ACACB: variants seen among roughly 807,000 people sequenced by gnomAD.
ACACB encodes the protein acetyl-CoA carboxylase beta.
A neutral mutation model predicts 278.8 loss-of-function variants in ACACB; 209 were observed. That is an observed-to-expected ratio of 0.75 (90% CI 0.67 to 0.84). ACACB has a LOEUF of 0.84. ACACB is among the 40% of genes least tolerant of loss of function. The pLI, the probability that ACACB is intolerant of heterozygous loss-of-function variation, is 0.00. For synonymous variants in ACACB, 1,174 were observed against 1,285.6 expected (o/e 0.91, Z 1.86); for missense variants, 2,850 against 3,269.0 (o/e 0.87, Z 3.13).
intron 1 of ACACB, among the ~76,000 whole-genome samples, chr12:109,117,879 T>A (rs2042445095): frequency 6.6e-6 from 1 of 152,210 alleles, no homozygotes. Flanking sequence ...CCCAAGTAGC[T>A]GGGACTACAG....
rs181773254 is a variant in ACACB at position 109,224,322 on chromosome 12, C to T, written c.3882+418C>T. The stretch of plus-strand genomic sequence containing the variant: ...GAAAGACTTTTCTGCTTGGAACTGC[C>T]AGAGCTAGAGGAGCCCAGGTGACAA... On this transcript the variant is annotated intron_variant, in intron 27 of 52. Coordinates refer to ENST00000338432, the MANE Select transcript of ACACB (RefSeq NM_001093.4). Among the ~76,000 whole-genome samples, 13 of 151,738 alleles carry T rather than the reference C, an allele frequency of 8.6e-5. No individual in the cohort carries two copies. The East Asian group carries it at 2.5e-3, about 30-fold the overall frequency.
At chr12:109,261,861 A>T (rs2047386433) in intron 48 of ACACB, among the ~76,000 whole-genome samples, 1 of 146,740 alleles carries the variant, frequency 6.8e-6, no homozygotes, top group African/African-American at 2.6e-5. Context: ...ACAGAGTGAG[A>T]CCCTGTCTAA....
the ACACB span, chr12:109,111,416 A>G: frequency 6.6e-6 from 1 of 152,322 alleles, no homozygotes; most frequent in East Asian, 1.9e-4. Context: ...CTCGGAAGTG[A>G]GGCCAGGGCT....
chr12:109,194,389 T>G (rs2045019959), intron 16 of ACACB, among the ~76,000 whole-genome samples: 1 of 152,176 alleles, frequency 6.6e-6, no homozygotes, highest in South Asian at 2.1e-4. Context: ...AGAAATGGGA[T>G]TTCACCATGT....
chr12:109,224,530 C>T (rs1407880853), intron 27 of ACACB, among the ~76,000 whole-genome samples: 2 of 134,634 alleles, frequency 1.5e-5, no homozygotes, highest in African/African-American at 3.3e-5. Flanking sequence ...TAAATCTGCT[C>T]TTTTATTATT....
intron 1 of ACACB, among the ~76,000 whole-genome samples, chr12:109,119,708 C>T (rs1045115288): frequency 1.9e-4 from 29 of 152,096 alleles, no homozygotes; most frequent in African/African-American, 6.7e-4. Flanking sequence ...GCCAGCCTGA[C>T]CAACATGGCA....
chr12:109,184,414 C>T lies in ACACB; in HGVS notation c.1819-1165C>T, dbSNP rs576847846. Reference sequence around the variant, plus strand: ...CTTCGTAACATATGGCCTCTGAATACTTCATTCTAAAGGCCTCCTACAACA... The same window carrying T: ...CTTCGTAACATATGGCCTCTGAATATTTCATTCTAAAGGCCTCCTACAACA... On this transcript the variant is annotated intron_variant, in intron 11 of 52. Transcript: ENST00000338432. 2.0e-5 allele frequency among the ~76,000 whole-genome samples: 3 copies of T among 152,272 alleles called. No homozygotes were observed. The South Asian group carries it at 6.2e-4, about 32-fold the overall frequency.
At chr12:109,213,801 CAT>C (rs539511622) in intron 22 of ACACB, among the ~76,000 whole-genome samples, 75 of 152,076 alleles carry the variant, frequency 4.9e-4, no homozygotes, top group Admixed American at 1.2e-3. Flanking sequence ...GGAGTTTCAT[CAT>C]GTTAGCCAGG....
chr12:109,256,105 C>G lies in ACACB; in HGVS notation c.6167-35C>G, dbSNP rs757206121. The G allele has an allele frequency of 5.7e-6, 9 of 1,588,940 alleles. No homozygotes were observed. The South Asian group carries it at 1.0e-4, about 18-fold the overall frequency. Reference sequence around the variant, plus strand: ...GTCCTGGGGGCCCCCAGCCACCTGGCCCTCCAGCCTGGGCTTCTGCCCTTC... The same window carrying G: ...GTCCTGGGGGCCCCCAGCCACCTGGGCCTCCAGCCTGGGCTTCTGCCCTTC... On this transcript the variant is annotated intron_variant, in intron 44 of 52. Coordinates refer to ENST00000338432, the MANE Select transcript of ACACB (RefSeq NM_001093.4).
At chr12:109,210,498 T>TGTATATGTGTATATATACGCACATAC (rs2045800777) in intron 21 of ACACB, among the ~76,000 whole-genome samples, 1 of 148,584 alleles carries the variant, frequency 6.7e-6, no homozygotes, top group Non-Finnish European at 1.5e-5. Context: ...TATATACATG[T>TGTATATGTGTATATATACGCACATAC]ATGTGTATAT....
chr12:109,188,646 T>C (rs1460673801), intron 13 of ACACB, among the ~76,000 whole-genome samples: 1 of 151,824 alleles, frequency 6.6e-6, no homozygotes, highest in African/African-American at 2.4e-5. Flanking sequence ...GAAAAGTAAA[T>C]CACAGGGTAG....
intron 18 of ACACB, among the ~76,000 whole-genome samples, chr12:109,199,883 G>A (rs1043739531): frequency 6.6e-6 from 1 of 151,950 alleles, no homozygotes; most frequent in Non-Finnish European, 1.5e-5. Flanking sequence ...CATGGTGGCA[G>A]GCGCCTGTAG....
At chr12:109,201,507 G>T in intron 18 of ACACB, 60 bp from the exon 19 acceptor site, 1 of 1,597,870 alleles carries the variant, frequency 6.3e-7, no homozygotes, top group South Asian at 1.1e-5. Context: ...CACTAGTTCT[G>T]GGTGGCTCTG....
At chr12:109,212,990 A>G (rs1357844156) in intron 22 of ACACB, 54 bp downstream of exon 22, 9 of 1,507,394 alleles carry the variant, frequency 6.0e-6, no homozygotes, top group South Asian at 1.1e-5. Flanking sequence ...CGTCGCATGC[A>G]TTGCACCAGG....
chr12:109,130,058 G>A (rs1022149249), intron 1 of ACACB, among the ~76,000 whole-genome samples: 1 of 152,208 alleles, frequency 6.6e-6, no homozygotes, highest in Non-Finnish European at 1.5e-5. Flanking sequence ...TGGGGACACT[G>A]AGGTTTGGAG....
At chr12:109,204,394 C>A (rs1194971208) in intron 19 of ACACB, among the ~76,000 whole-genome samples, 1 of 150,946 alleles carries the variant, frequency 6.6e-6, no homozygotes, top group Non-Finnish European at 1.5e-5. Flanking sequence ...CGTGCCTCAG[C>A]CTCCTGAGTA....
intron 17 of ACACB, among the ~76,000 whole-genome samples, chr12:109,198,972 G>A (rs2045236131): frequency 6.6e-6 from 1 of 151,910 alleles, no homozygotes; most frequent in Non-Finnish European, 1.5e-5. Flanking sequence ...CGGATCATGA[G>A]GTCAGGAGAT....
intron 20 of ACACB, among the ~76,000 whole-genome samples, chr12:109,208,385 T>C (rs1374111860): frequency 6.6e-6 from 1 of 151,918 alleles, no homozygotes; most frequent in African/African-American, 2.4e-5. Context: ...CCAGCTAATT[T>C]TTTGTAGAGA....
chr12:109,228,791 T>C (rs1400583165), intron 28 of ACACB, among the ~76,000 whole-genome samples: 4 of 152,070 alleles, frequency 2.6e-5, no homozygotes, highest in Admixed American at 6.6e-5. Context: ...ACCCAAGCCA[T>C]TGGGAAGAGT....
Sources: allele counts gnomAD v4.1 joint callset (sites outside exome capture counted in the v4.1 genomes callset), GRCh38; gene constraint gnomAD v4.1.1; transcripts MANE v1.5; gene names NCBI Gene and HGNC (gene_info 2026-07-23, HGNC 2026-07-21).